The following DCC variants were observed in gnomAD, a reference collection of about 807,000 sequenced individuals.
DCC encodes netrin receptor DCC.
DCC carries 58 observed loss-of-function variants against 172.5 expected under a neutral mutation model. The ratio of observed to expected loss-of-function variants is 0.34; its 90% CI spans 0.27 to 0.42. The LOEUF (loss-of-function observed/expected upper bound fraction) is 0.42. Ranked by LOEUF, DCC falls within the 10% of genes least tolerant of loss-of-function variation. DCC has a pLI of 1.00. For missense variants in DCC, 1,740 were observed against 1,791.0 expected (o/e 0.97, Z 0.51); for synonymous variants, 709 against 644.5 (o/e 1.10, Z -1.52).
intron 2 of DCC, among the ~76,000 whole-genome samples, chr18:52,797,198 T>C (rs2037892537): frequency 6.6e-6 from 1 of 152,226 alleles, no homozygotes. Flanking sequence ...TGTTGGTGTT[T>C]TCTTATATTT....
In DCC at chr18:53,513,837, G is replaced by A. The variant is rs181974542; in HGVS notation, c.4112-12780G>A. On this transcript the variant is annotated intron_variant, in intron 27 of 28. Coordinates refer to ENST00000442544, the MANE Select transcript of DCC (RefSeq NM_005215.4). ...GCAAGTCCTGAGTGACCTACAAAGC[G>A]ACTTAGACTCCCACACATTAATAAT... 9.9e-4 allele frequency among the ~76,000 whole-genome samples: 148 copies of A among 149,356 alleles called. 2 individuals carry two copies. Among genetic ancestry groups the A allele is most frequent in the African/African-American group, 3.4e-3 (136 of 39,670 alleles).
At chr18:53,004,973 A>G (rs1291112480) in intron 5 of DCC, among the ~76,000 whole-genome samples, 1 of 152,196 alleles carries the variant, frequency 6.6e-6, no homozygotes, top group Non-Finnish European at 1.5e-5. Flanking sequence ...CTAACGAATG[A>G]ATAAATGTTG....
At chr18:52,678,399 C>T (rs181661273) in intron 1 of DCC, among the ~76,000 whole-genome samples, 168 of 152,052 alleles carry the variant, frequency 1.1e-3, no homozygotes, top group Non-Finnish European at 2.1e-3. Context: ...TGTTTATATG[C>T]GTTCATTCAT....
intron 25 of DCC, among the ~76,000 whole-genome samples, chr18:53,486,546 C>G (rs1288220607): frequency 2.6e-5 from 4 of 152,150 alleles, no homozygotes; most frequent in Non-Finnish European, 5.9e-5. Flanking sequence ...ACTTGATTAA[C>G]TGTTTCTTTG....
At chr18:53,304,946 T>A (rs2057181924) in intron 12 of DCC, among the ~76,000 whole-genome samples, 1 of 152,186 alleles carries the variant, frequency 6.6e-6, no homozygotes, top group Non-Finnish European at 1.5e-5. Context: ...TGGGAGGTAA[T>A]TGAATCATGG....
chr18:53,005,956 T>C (rs1246344024), intron 5 of DCC, among the ~76,000 whole-genome samples: 1 of 152,184 alleles, frequency 6.6e-6, no homozygotes, highest in African/African-American at 2.4e-5. Context: ...GGGATTCCTA[T>C]AGTATGTTCT....
chr18:53,223,120 T>G (rs1188154983), intron 12 of DCC, among the ~76,000 whole-genome samples: 1 of 152,128 alleles, frequency 6.6e-6, no homozygotes, highest in African/African-American at 2.4e-5. Flanking sequence ...AGAGACATGA[T>G]TAAATCTCCA....
chr18:52,738,225 T>G lies in DCC; in HGVS notation c.92-13829T>G, dbSNP rs142489591. On this transcript the variant is annotated intron_variant, in intron 1 of 28. Coordinates refer to ENST00000442544, the MANE Select transcript of DCC (RefSeq NM_005215.4). Reference sequence around the variant, plus strand: ...TTTTATTGACAGTAACACAGGCACATCTTGCTTAATGATGGGAATCGTTCT... The same window carrying G: ...TTTTATTGACAGTAACACAGGCACAGCTTGCTTAATGATGGGAATCGTTCT... Among the ~76,000 whole-genome samples the G allele has an allele frequency of 3.3e-4, 50 of 152,210 alleles. 1 individual carries two copies. Among genetic ancestry groups the G allele is most frequent in the Middle Eastern group, 3.4e-3 (1 of 294 alleles).
At chr18:53,123,892 T>C (rs1180529536) in intron 7 of DCC, among the ~76,000 whole-genome samples, 1 of 152,070 alleles carries the variant, frequency 6.6e-6, no homozygotes. Context: ...TGAGTAATCA[T>C]TTTTCTCATT....
At chr18:53,031,727 TTTC>T (rs1451278842) in intron 5 of DCC, among the ~76,000 whole-genome samples, 4 of 152,148 alleles carry the variant, frequency 2.6e-5, no homozygotes, top group Non-Finnish European at 5.9e-5. Context: ...GTTTAAATAA[TTTC>T]TTCAGTTGGC....
At chr18:53,236,221 A>G (rs550380943) in intron 12 of DCC, among the ~76,000 whole-genome samples, 19 of 152,262 alleles carry the variant, frequency 1.2e-4, no homozygotes, top group African/African-American at 4.6e-4. Flanking sequence ...CAGTTGTCCA[A>G]TCCCAACCAA....
At chr18:52,863,402 A>G (rs1598878142) in intron 2 of DCC, among the ~76,000 whole-genome samples, 1 of 151,828 alleles carries the variant, frequency 6.6e-6, no homozygotes, top group African/African-American at 2.4e-5. Context: ...CATATCGTAT[A>G]AGTTTTAAAA....
At chr18:52,606,480 A>G (rs2034133143) in intron 1 of DCC, among the ~76,000 whole-genome samples, 3 of 152,174 alleles carry the variant, frequency 2.0e-5, no homozygotes, top group Admixed American at 1.3e-4. Flanking sequence ...AACATACGTG[A>G]TCATTATTCT....
intron 21 of DCC, among the ~76,000 whole-genome samples, chr18:53,433,052 G>T (rs890806146): frequency 8.6e-5 from 13 of 151,950 alleles, no homozygotes; most frequent in Non-Finnish European, 1.8e-4. Context: ...TTCCTTTTGT[G>T]ATATTAATCT....
At chr18:52,461,652 T>G (rs1212436614) in intron 1 of DCC, among the ~76,000 whole-genome samples, 1 of 152,202 alleles carries the variant, frequency 6.6e-6, no homozygotes, top group Non-Finnish European at 1.5e-5. Context: ...TTGTATAACC[T>G]TATGGGACCA....
chr18:53,148,865 C>CCTTT (rs1163798156), intron 7 of DCC, among the ~76,000 whole-genome samples: 3 of 109,782 alleles, frequency 2.7e-5, no homozygotes, highest in Non-Finnish European at 5.4e-5. Context: ...TTCCCAATGC[C>CCTTT]TTTTTTTTTT....
rs183125506 is a variant in DCC, at chr18:53,094,371, A to C, written c.1261+28205A>C. ...AGGAGATGTACCTTTTTAAGGCATTATAACTAGAAGATCATAAAGCTACAA... is the reference window on the plus strand; with the variant it reads ...AGGAGATGTACCTTTTTAAGGCATTCTAACTAGAAGATCATAAAGCTACAA... On this transcript the variant is annotated intron_variant, in intron 7 of 28. Coordinates refer to ENST00000442544, the MANE Select transcript of DCC (RefSeq NM_005215.4). Among the ~76,000 whole-genome samples, 12 of 152,326 alleles carry C rather than the reference A, an allele frequency of 7.9e-5. No homozygotes were observed. The East Asian group carries it at 2.3e-3, about 29-fold the overall frequency.
chr18:52,540,100 T>G (rs1273820276), intron 1 of DCC, among the ~76,000 whole-genome samples: 1 of 152,184 alleles, frequency 6.6e-6, no homozygotes, highest in Non-Finnish European at 1.5e-5. Flanking sequence ...TTTCTTTAAA[T>G]GTACACTCTA....
intron 2 of DCC, among the ~76,000 whole-genome samples, chr18:52,788,676 A>G (rs7242484): frequency 0.03 from 4,628 of 152,290 alleles, 262 homozygotes; most frequent in African/African-American, 0.11. Flanking sequence ...CAGAACTAGT[A>G]TGATTTTTCA....
Sources: gnomAD v4.1 joint callset for allele counts (sites outside exome capture counted in the v4.1 genomes callset) on GRCh38, gnomAD v4.1.1 for gene constraint, MANE v1.5 for transcripts, NCBI Gene and HGNC (gene_info 2026-07-23, HGNC 2026-07-21) for gene names.